The following CLTB variants were observed in gnomAD, a reference collection of about 807,000 sequenced individuals.
The protein encoded by CLTB is clathrin, light chain (Lcb).
Under a neutral mutation model 30.5 loss-of-function variants are expected in CLTB, and 10 were observed. The ratio of observed to expected loss-of-function variants is 0.33; its 90% confidence interval spans 0.20 to 0.56. The LOEUF (loss-of-function observed/expected upper bound fraction) is 0.56. Among genes scored for constraint, CLTB ranks in the 20% least tolerant of loss-of-function variants. The probability of loss-of-function intolerance (pLI) is 0.91; values close to 1 mark genes in which losing one functional copy is unlikely to be tolerated. For missense variants in CLTB, 261 were observed against 308.3 expected (o/e 0.85, Z 1.15); for synonymous variants, 102 against 120.3 (o/e 0.85, Z 1.00).
intron 2 of CLTB, 93 bp from the exon 3 acceptor site, chr5:176,398,140 C>T: frequency 8.5e-7 from 1 of 1,173,500 alleles, no homozygotes; most frequent in Non-Finnish European, 1.3e-6. Context: ...GTCTGGATAA[C>T]TCAGCCTCAA....
chr5:176,410,841 G>C (rs1728745144), intron 1 of CLTB, among the ~76,000 whole-genome samples: 1 of 152,188 alleles, frequency 6.6e-6, no homozygotes, highest in South Asian at 2.1e-4. Context: ...GAAGCACCTG[G>C]CATATTTTTT....
chr5:176,402,898 C>G (rs1054935230), intron 2 of CLTB, among the ~76,000 whole-genome samples: 2 of 152,100 alleles, frequency 1.3e-5, no homozygotes, highest in Non-Finnish European at 2.9e-5. Flanking sequence ...AGAGCCAGCA[C>G]GTGTAAGAAT....
rs1192890761 is a variant in CLTB, at chr5:176,393,196, T to C, written c.519-251A>G. Among the ~76,000 whole-genome samples the C allele has an allele frequency of 6.6e-6, 1 of 152,154 alleles. No individual in the cohort carries two copies. ...AGACCTGTTCCTGGCTTGCTGCTTC[T>C]TGTCATTCAGGTCTCAGTGCGGGCC... On this transcript the variant is annotated intron_variant, in intron 5 of 5. Coordinates refer to ENST00000310418, the MANE Select transcript of CLTB (RefSeq NM_007097.5). The surrounding 1 kb of genome is among the most constrained non-coding windows in gnomAD (Gnocchi z 4.4).
chr5:176,406,904 G>A (rs1172323977), intron 2 of CLTB, among the ~76,000 whole-genome samples: 1 of 152,210 alleles, frequency 6.6e-6, no homozygotes, highest in Non-Finnish European at 1.5e-5. Context: ...GAGTCGTAAT[G>A]CAAAGCACAC....
intron 2 of CLTB, chr5:176,406,800 T>A (rs1440155837): frequency 2.0e-6 from 2 of 999,756 alleles, no homozygotes; most frequent in East Asian, 1.3e-4. Context: ...CTCCTCCCCC[T>A]GCAGGTGCAG....
At chr5:176,401,098 T>C (rs1452522636) in intron 2 of CLTB, among the ~76,000 whole-genome samples, 2 of 152,316 alleles carry the variant, frequency 1.3e-5, no homozygotes, top group Admixed American at 1.3e-4. Flanking sequence ...AACATCCCAG[T>C]GGGCCCTTCT....
chr5:176,409,959 G>A (rs887931344), intron 2 of CLTB, among the ~76,000 whole-genome samples: 3 of 152,134 alleles, frequency 2.0e-5, no homozygotes, highest in East Asian at 3.9e-4. Flanking sequence ...AAGGCCTTGC[G>A]CTGCCTTCAT....
At chr5:176,408,063 C>A (rs1450130330) in intron 2 of CLTB, among the ~76,000 whole-genome samples, 2 of 152,072 alleles carry the variant, frequency 1.3e-5, no homozygotes, top group African/African-American at 4.8e-5. Flanking sequence ...TTTAGCCCCA[C>A]CAGGCATCTG....
At chr5:176,404,645 G>A (rs762793474) in intron 2 of CLTB, among the ~76,000 whole-genome samples, 9 of 152,146 alleles carry the variant, frequency 5.9e-5, no homozygotes, top group African/African-American at 9.7e-5. Flanking sequence ...TGGCCAAACT[G>A]GGCCCACATC....
intron 1 of CLTB, 44 bp downstream of exon 1, chr5:176,416,132 CG>C: frequency 6.8e-7 from 1 of 1,459,868 alleles, no homozygotes; most frequent in Admixed American, 3.0e-5. Flanking sequence ...CGGGGTCCCC[CG>C]GGTGCGCGCC....
At chr5:176,406,026 G>T in intron 2 of CLTB, 1 of 468,240 alleles carries the variant, frequency 2.1e-6, no homozygotes, top group Non-Finnish European at 2.8e-6. Flanking sequence ...CTGCTGGCAG[G>T]CAAAGCCCCG....
At chr5:176,405,275 G>C (rs1317385569) in intron 2 of CLTB, among the ~76,000 whole-genome samples, 1 of 152,040 alleles carries the variant, frequency 6.6e-6, no homozygotes, top group Non-Finnish European at 1.5e-5. Context: ...GACTGCTTGA[G>C]CCCAGGAGCT....
chr5:176,401,609 C>T, intron 2 of CLTB: 2 of 399,490 alleles, frequency 5.0e-6, no homozygotes, highest in South Asian at 1.8e-5. Context: ...CACATGGCAT[C>T]GAGACCTCAG....
At chr5:176,416,087 A>G (rs1757675640) in intron 1 of CLTB, 90 bp downstream of exon 1, 2 of 1,253,448 alleles carry the variant, frequency 1.6e-6, no homozygotes, top group Admixed American at 7.2e-5. Flanking sequence ...GGTGGCCTAG[A>G]GCAGGCTCTC....
intron 5 of CLTB, among the ~76,000 whole-genome samples, chr5:176,394,911 A>G (rs1756445664): frequency 6.6e-6 from 1 of 152,042 alleles, no homozygotes; most frequent in African/African-American, 2.4e-5. Flanking sequence ...CAACAGAAGC[A>G]TCGAGCCCCC....
intron 1 of CLTB, among the ~76,000 whole-genome samples, chr5:176,412,794 GC>G (rs1336346550): frequency 6.6e-6 from 1 of 152,096 alleles, no homozygotes; most frequent in Non-Finnish European, 1.5e-5. Flanking sequence ...GGGTGTCCTG[GC>G]CCCTAAATCA....
intron 2 of CLTB, among the ~76,000 whole-genome samples, chr5:176,402,466 C>T (rs1370596289): frequency 6.6e-6 from 1 of 152,208 alleles, no homozygotes; most frequent in Non-Finnish European, 1.5e-5. Flanking sequence ...CCCTCAGAGA[C>T]TCTGTCTGGA....
intron 1 of CLTB, among the ~76,000 whole-genome samples, chr5:176,414,538 C>G (rs536635126): frequency 6.6e-6 from 1 of 151,792 alleles, no homozygotes; most frequent in Non-Finnish European, 1.5e-5. Context: ...CGGGCTCAAG[C>G]TATGCTCCTG....
chr5:176,416,391 G>A lies in CLTB; in HGVS notation c.-28C>T. On this transcript the variant is annotated 5_prime_UTR_variant, in exon 1 of 6. Transcript: ENST00000310418. ...TCCCCGCGCCTCCGCCGGAGCCTCC[G>A]CTGCGCTCGGCTCTGCCCGCGCCTG... The A allele has an allele frequency of 1.3e-6, 2 of 1,573,860 alleles. No homozygotes were observed. Among genetic ancestry groups the A allele is most frequent in the South Asian group, 1.1e-5 (1 of 87,122 alleles).
Sources: gnomAD v4.1 joint callset for allele counts (sites outside exome capture counted in the v4.1 genomes callset) on GRCh38, gnomAD v4.1.1 for gene constraint, Gnocchi (gnomAD v3.1) non-coding constraint, MANE v1.5 for transcripts, NCBI Gene and HGNC (gene_info 2026-07-23, HGNC 2026-07-21) for gene names.